Variants in KLF12 observed in about 807,000 individuals in gnomAD.
KLF12 encodes Krueppel-like factor 12.
KLF12 carries 9 observed loss-of-function variants against 37.8 expected under a neutral mutation model. The observed-to-expected ratio is 0.24, with a 90% CI of 0.14 to 0.42. The LOEUF is 0.42. Ranked by LOEUF, KLF12 falls within the 10% of genes least tolerant of loss-of-function variation. The pLI, the probability that KLF12 is intolerant of heterozygous loss-of-function variation, is 1.00. For missense variants in KLF12, 411 were observed against 516.0 expected (o/e 0.80, Z 1.97); for synonymous variants, 208 against 202.1 (o/e 1.03, Z -0.25).
chr13:73,896,443 G>A (rs1202839839), intron 3 of KLF12, among the ~76,000 whole-genome samples: 1 of 152,126 alleles, frequency 6.6e-6, no homozygotes, highest in Non-Finnish European at 1.5e-5. Context: ...TTCTGAGGAT[G>A]ATGGATGAAC....
chr13:74,113,431 G>A (rs561827568), intron 1 of KLF12, among the ~76,000 whole-genome samples: 1 of 152,294 alleles, frequency 6.6e-6, no homozygotes, highest in South Asian at 2.1e-4. Flanking sequence ...AATGTATCTG[G>A]TGACTTTAAA....
chr13:74,025,850 C>A (rs1445240241), intron 1 of KLF12, among the ~76,000 whole-genome samples: 4 of 152,082 alleles, frequency 2.6e-5, no homozygotes, highest in Admixed American at 2.6e-4. Flanking sequence ...CAGGTAGATA[C>A]AAAGGCATCT....
chr13:73,774,099 C>T (rs1156249140), intron 5 of KLF12, among the ~76,000 whole-genome samples: 3 of 151,978 alleles, frequency 2.0e-5, no homozygotes, highest in Non-Finnish European at 4.4e-5. Context: ...ATGCCTAGTA[C>T]CAGGCCGTAT....
At chr13:74,231,238 C>T in the KLF12 span, among the ~76,000 whole-genome samples, 1 of 151,704 alleles carries the variant, frequency 6.6e-6, no homozygotes, top group Admixed American at 6.6e-5. Flanking sequence ...CAGGGCTTAT[C>T]GCTGAAACTT....
At chr13:73,850,145 A>C (rs1392271438) in intron 3 of KLF12, among the ~76,000 whole-genome samples, 2 of 152,214 alleles carry the variant, frequency 1.3e-5, no homozygotes, top group Non-Finnish European at 2.9e-5. Flanking sequence ...ATGTGTGTGA[A>C]AACCTAAAGA....
Position 73,875,703 on chromosome 13 carries a change from C to G in KLF12, c.124-29330G>C, listed in dbSNP as rs146033001. ...GATAAAGGTGTATTAAAATCTACCT[C>G]TGTAGTAGATGACTTTTTAACGTTT... On this transcript the variant is annotated intron_variant, in intron 3 of 7. Transcript: ENST00000377669. 2.8e-3 allele frequency among the ~76,000 whole-genome samples: 421 copies of G among 152,220 alleles called. 3 individuals are homozygous for G. Among genetic ancestry groups the G allele is most frequent in the African/African-American group, 9.7e-3 (405 of 41,552 alleles).
At chr13:74,134,379 A>C (rs1480336295), upstream of KLF12, among the ~76,000 whole-genome samples, 2 of 151,214 alleles carry the variant, frequency 1.3e-5, no homozygotes, top group Non-Finnish European at 2.9e-5. Context: ...GCTCCGCCCG[A>C]GGATTAGGAG....
chr13:73,826,306 G>A (rs1327573879), intron 4 of KLF12, among the ~76,000 whole-genome samples: 5 of 152,012 alleles, frequency 3.3e-5, no homozygotes, highest in South Asian at 4.2e-4. Flanking sequence ...TTTCTGAAAG[G>A]AGAACTCCCT....
chr13:73,715,794 G>A (rs760414033), intron 6 of KLF12, among the ~76,000 whole-genome samples: 2 of 152,216 alleles, frequency 1.3e-5, no homozygotes, highest in East Asian at 3.9e-4. Context: ...GAAAGCAGTG[G>A]TAGGTGAGTA....
intron 1 of KLF12, among the ~76,000 whole-genome samples, chr13:74,021,826 A>G (rs1285894865): frequency 1.3e-5 from 2 of 152,236 alleles, no homozygotes; most frequent in Non-Finnish European, 1.5e-5. Context: ...AGTGCTTATC[A>G]GTAGATACAC....
At chr13:73,996,548 A>T (rs1892125584) in intron 1 of KLF12, among the ~76,000 whole-genome samples, 1 of 152,226 alleles carries the variant, frequency 6.6e-6, no homozygotes, top group Admixed American at 6.5e-5. Context: ...ATATAAACTT[A>T]ATAATGCTTA....
chr13:74,257,614 G>A, the KLF12 span: 1 of 152,150 alleles, frequency 6.6e-6, no homozygotes, highest in Non-Finnish European at 1.5e-5. Flanking sequence ...TTGGCACAAG[G>A]ACATGATTTG....
chr13:73,976,982 A>C (rs7139543), intron 2 of KLF12, among the ~76,000 whole-genome samples: 1 of 152,132 alleles, frequency 6.6e-6, no homozygotes, highest in Non-Finnish European at 1.5e-5. Flanking sequence ...AGAAATTTTA[A>C]GAAAAGTAAG....
chr13:73,872,377 A>G (rs955288925), intron 3 of KLF12, among the ~76,000 whole-genome samples: 3 of 152,214 alleles, frequency 2.0e-5, no homozygotes, highest in African/African-American at 7.2e-5. Flanking sequence ...TATTAGTTTC[A>G]TTCAGTATTT....
At chr13:73,830,070 TTA>T (rs1884069471) in intron 4 of KLF12, among the ~76,000 whole-genome samples, 4 of 152,198 alleles carry the variant, frequency 2.6e-5, no homozygotes, top group Non-Finnish European at 5.9e-5. Context: ...AATGTGCTTG[TTA>T]ATAGTTGCAT....
intron 6 of KLF12, among the ~76,000 whole-genome samples, chr13:73,718,386 T>C (rs958895995): frequency 6.6e-6 from 1 of 152,222 alleles, no homozygotes; most frequent in African/African-American, 2.4e-5. Flanking sequence ...ATTGCTTCAC[T>C]GTGAGTTCTG....
At position 73,856,042 on chromosome 13, in the gene KLF12, A is replaced by C. The variant is rs138655123; in HGVS notation, c.124-9669T>G. The stretch of plus-strand genomic sequence containing the variant: ...GGACTACAACTGCCACCAGGCACAC[A>C]CAGGTATATGTAATTAATGCATTTA... On this transcript the variant is annotated intron_variant, in intron 3 of 7. Transcript: ENST00000377669. Among the ~76,000 whole-genome samples the C allele has an allele frequency of 1.3e-3, 192 of 152,354 alleles. 1 individual carries two copies. The highest frequency in any genetic ancestry group is 4.4e-3 in the African/African-American group (181 of 41,574).
At chr13:74,233,608 T>C in the KLF12 span, among the ~76,000 whole-genome samples, 1 of 152,274 alleles carries the variant, frequency 6.6e-6, no homozygotes, top group East Asian at 1.9e-4. Flanking sequence ...AACTCATGAA[T>C]TGTTTGTAGA....
the KLF12 span, among the ~76,000 whole-genome samples, chr13:74,194,251 A>C: frequency 6.6e-6 from 1 of 152,246 alleles, no homozygotes; most frequent in Non-Finnish European, 1.5e-5. Flanking sequence ...CTGGAACCAG[A>C]ATATAGCACA....
Sources: allele counts gnomAD v4.1 joint callset (sites outside exome capture counted in the v4.1 genomes callset), GRCh38; gene constraint gnomAD v4.1.1; transcripts MANE v1.5; gene names NCBI Gene and HGNC (gene_info 2026-07-23, HGNC 2026-07-21).